Variants in CHIC1 observed in about 807,000 individuals in gnomAD.
The protein encoded by CHIC1 is cysteine rich hydrophobic domain 1.
In CHIC1, 7 loss-of-function variants were observed where a neutral mutation model predicts 18.5. The ratio of observed to expected loss-of-function variants is 0.38; its 90% CI spans 0.22 to 0.71. The LOEUF is 0.71. CHIC1 is among the 30% of genes least tolerant of loss of function. CHIC1 has a pLI of 0.49. For missense variants in CHIC1, 159 were observed against 176.9 expected (o/e 0.90, Z 0.57); for synonymous variants, 77 against 73.5 (o/e 1.05, Z -0.25).
chrX:73,633,949 A>G (rs2057820118), intron 3 of CHIC1, among the ~76,000 whole-genome samples: 1 of 110,684 alleles, frequency 9.0e-6, no homozygotes, highest in Non-Finnish European at 1.9e-5. Context: ...TTTTTCTGAT[A>G]TTGTGTAATT....
intron 3 of CHIC1, among the ~76,000 whole-genome samples, chrX:73,642,398 C>A (rs2057861773): frequency 9.0e-6 from 1 of 111,158 alleles, no homozygotes; most frequent in Non-Finnish European, 1.9e-5. Flanking sequence ...TGTTAGAGTT[C>A]ATTGTAGATT....
intron 3 of CHIC1, among the ~76,000 whole-genome samples, chrX:73,642,457 C>T (rs2057862165): frequency 9.2e-6 from 1 of 109,031 alleles, no homozygotes; most frequent in African/African-American, 3.3e-5. Context: ...AATTTTCTCC[C>T]ATTTTGTAGG....
chrX:73,566,796 G>A (rs1258105352), intron 1 of CHIC1, among the ~76,000 whole-genome samples: 1 of 110,939 alleles, frequency 9.0e-6, no homozygotes, highest in Admixed American at 9.6e-5. Flanking sequence ...GGTTCTCTCT[G>A]CTGCATTTGA....
intron 3 of CHIC1, among the ~76,000 whole-genome samples, chrX:73,614,347 G>C (rs2057722781): frequency 1.8e-5 from 2 of 110,909 alleles, no homozygotes; most frequent in Middle Eastern, 9.3e-3. Context: ...GTTTTGGAGG[G>C]GACTTCTTTG....
Position 73,655,298 on chromosome X carries a change from ATGTG to A in CHIC1, c.508-24024_508-24021del, listed in dbSNP as rs1355776885. Among the ~76,000 whole-genome samples the A allele has an allele frequency of 1.5e-4, 15 of 103,130 alleles. No individual in the cohort carries two copies. The East Asian group carries it at 2.4e-3, about 17-fold the overall frequency. 89.6% of individuals were successfully genotyped at this position (103,130 alleles called of 115,157 possible). On this transcript the variant is annotated intron_variant, in intron 3 of 5. Transcript: ENST00000373502. ...TGTGTGTGTGCGTGTGTGTGTGTGT[ATGTG>A]TGTATGTATATATATACACACACAC...
In CHIC1 at chrX:73,653,258, G is replaced by A. The variant is rs142899354; in HGVS notation, c.508-26068G>A. Among the ~76,000 whole-genome samples the A allele has an allele frequency of 2.6e-4, 29 of 110,518 alleles. No homozygotes were observed. In the East Asian group the frequency reaches 7.2e-3, roughly 27 times the overall value. ...GATGAGGGGAGGGAACCTAGAGGAC[G>A]GGTCAATAGATGCCGCAAACCACCA... is the stretch of plus-strand genomic sequence containing the variant. On this transcript the variant is annotated intron_variant, in intron 3 of 5. Coordinates refer to ENST00000373502, the MANE Select transcript of CHIC1 (RefSeq NM_001039840.4).
At chrX:73,613,115 G>GATGT (rs915641088) in intron 3 of CHIC1, among the ~76,000 whole-genome samples, 12 of 111,911 alleles carry the variant, frequency 1.1e-4, no homozygotes, top group African/African-American at 2.3e-4. Flanking sequence ...TGTTTTATCT[G>GATGT]ATGTATGTAT....
intron 3 of CHIC1, among the ~76,000 whole-genome samples, chrX:73,660,751 G>A (rs1331942523): frequency 2.7e-5 from 3 of 111,079 alleles, no homozygotes; most frequent in Non-Finnish European, 5.7e-5. Context: ...TTGATGCATC[G>A]TGCTGGAATC....
chrX:73,599,812 G>A (rs1266874080), intron 3 of CHIC1, among the ~76,000 whole-genome samples: 2 of 107,233 alleles, frequency 1.9e-5, no homozygotes, highest in African/African-American at 7.3e-5. Flanking sequence ...ACTTGGCAAT[G>A]TGGGCTCTTT....
intron 1 of CHIC1, among the ~76,000 whole-genome samples, chrX:73,565,449 G>A (rs1162910832): frequency 2.7e-5 from 3 of 111,859 alleles, no homozygotes; most frequent in Admixed American, 1.9e-4. Context: ...TTGGTATAAT[G>A]TCCTTCTAAT....
chrX:73,653,705 C>T (rs1029462641), intron 3 of CHIC1, among the ~76,000 whole-genome samples: 5 of 112,039 alleles, frequency 4.5e-5, no homozygotes, highest in African/African-American at 1.3e-4. Context: ...GCTGTCTTTC[C>T]GTGTTTTTGT....
intron 3 of CHIC1, among the ~76,000 whole-genome samples, chrX:73,609,527 G>A (rs1025504259): frequency 1.8e-5 from 2 of 108,644 alleles, no homozygotes; most frequent in Non-Finnish European, 1.9e-5. Flanking sequence ...TCAGCCTCCC[G>A]AGTAGCGGCA....
At chrX:73,655,475 C>CACAATATTGTGTATATATAT (rs2057940324) in intron 3 of CHIC1, among the ~76,000 whole-genome samples, 3 of 57,157 alleles carry the variant, frequency 5.2e-5, no homozygotes, top group Non-Finnish European at 6.9e-5. Context: ...TATATATATA[C>CACAATATTGTGTATATATAT]ATATATACAC....
At chrX:73,648,457 C>A (rs2057900063) in intron 3 of CHIC1, among the ~76,000 whole-genome samples, 1 of 111,449 alleles carries the variant, frequency 9.0e-6, no homozygotes, top group Admixed American at 9.5e-5. Context: ...TGCAAAGAAG[C>A]TAAGAAGGTA....
chrX:73,632,567 G>A (rs2057812182), intron 3 of CHIC1, among the ~76,000 whole-genome samples: 1 of 109,291 alleles, frequency 9.1e-6, no homozygotes, highest in South Asian at 3.9e-4. Flanking sequence ...TTCCATAGTA[G>A]TATGCTTTTA....
At chrX:73,607,010 T>C (rs1569502311) in intron 3 of CHIC1, among the ~76,000 whole-genome samples, 3 of 109,051 alleles carry the variant, frequency 2.8e-5, no homozygotes, top group Non-Finnish European at 3.8e-5. Context: ...TTGAGCACTA[T>C]GCTGGGAGAT....
intron 1 of CHIC1, among the ~76,000 whole-genome samples, chrX:73,569,841 G>A (rs2057461823): frequency 9.0e-6 from 1 of 111,502 alleles, no homozygotes; most frequent in African/African-American, 3.2e-5. Flanking sequence ...AGAGTATCAA[G>A]CCTACTTTGC....
In CHIC1 at chrX:73,613,041, AACTGATC is replaced by A. The variant is rs2057716248; in HGVS notation, c.507+28473_507+28479del. ...TTAGAATTTTTATATCCTTAGGCTA[AACTGATC>A]ACTTTATCATTACATAGTGAACTTT... On this transcript the variant is annotated intron_variant, in intron 3 of 5. Coordinates refer to ENST00000373502, the MANE Select transcript of CHIC1 (RefSeq NM_001039840.4). Among the ~76,000 whole-genome samples, 3 of 111,730 alleles carry A rather than the reference AACTGATC, an allele frequency of 2.7e-5. No individual in the cohort carries two copies. In the Admixed American group the frequency reaches 2.8e-4, roughly 11 times the overall value.
intron 3 of CHIC1, among the ~76,000 whole-genome samples, chrX:73,596,126 G>C (rs897080716): frequency 1.8e-5 from 2 of 111,429 alleles, no homozygotes; most frequent in African/African-American, 6.5e-5. Context: ...TAGGTTCCCT[G>C]TTCACTCTGA....
Sources: gnomAD v4.1 joint callset for allele counts (sites outside exome capture counted in the v4.1 genomes callset) on GRCh38, gnomAD v4.1.1 for gene constraint, MANE v1.5 for transcripts, NCBI Gene and HGNC (gene_info 2026-07-23, HGNC 2026-07-21) for gene names.